ASCC3: variants seen among roughly 807,000 people sequenced by gnomAD.
The protein encoded by ASCC3 is ASC-1 complex subunit P200.
A neutral mutation model predicts 256.3 loss-of-function variants in ASCC3; 158 were observed. That is an observed-to-expected ratio of 0.62 (90% CI 0.54 to 0.70). The LOEUF (loss-of-function observed/expected upper bound fraction) is 0.70. Among genes scored for constraint, ASCC3 ranks in the 30% least tolerant of loss-of-function variants. The probability of loss-of-function intolerance (pLI) is 0.00; values close to 1 mark genes in which losing one functional copy is unlikely to be tolerated. For synonymous variants in ASCC3, 948 were observed against 883.4 expected (o/e 1.07, Z -1.30); for missense variants, 2,259 against 2,626.0 (o/e 0.86, Z 3.05).
intron 4 of ASCC3, among the ~76,000 whole-genome samples, chr6:100,834,007 A>G (rs1054420376): frequency 1.3e-5 from 2 of 152,314 alleles, no homozygotes; most frequent in African/African-American, 4.8e-5. Flanking sequence ...CAGAAGTTGC[A>G]GTGAGCCGAG....
At chr6:100,756,249 T>A (rs2115104628) in intron 10 of ASCC3, among the ~76,000 whole-genome samples, 1 of 152,038 alleles carries the variant, frequency 6.6e-6, no homozygotes, top group African/African-American at 2.4e-5. Flanking sequence ...AAAATACAGG[T>A]AGAATACTTT....
chr6:100,596,529 G>C (rs759442775), intron 34 of ASCC3, among the ~76,000 whole-genome samples: 2 of 152,046 alleles, frequency 1.3e-5, no homozygotes, highest in Non-Finnish European at 2.9e-5. Context: ...TAGTGATTGT[G>C]TTTGTTACCA....
At chr6:100,629,671 G>A (rs1774430862) in intron 26 of ASCC3, among the ~76,000 whole-genome samples, 2 of 151,978 alleles carry the variant, frequency 1.3e-5, no homozygotes, top group South Asian at 4.2e-4. Context: ...TCCTTAGATT[G>A]GAATTTTCTA....
At chr6:100,768,698 T>A (rs188615024) in intron 8 of ASCC3, among the ~76,000 whole-genome samples, 69 of 152,250 alleles carry the variant, frequency 4.5e-4, no homozygotes, top group Admixed American at 1.5e-3. Flanking sequence ...AAGGCTACCA[T>A]AGACTTGAAT....
chr6:100,609,118 T>C (rs992199761), intron 30 of ASCC3, among the ~76,000 whole-genome samples: 1 of 151,964 alleles, frequency 6.6e-6, no homozygotes, highest in African/African-American at 2.4e-5. Context: ...ATTTATGCTT[T>C]AACTTTATGG....
intron 1 of ASCC3, among the ~76,000 whole-genome samples, chr6:100,868,840 G>C (rs1349362215): frequency 6.6e-6 from 1 of 152,178 alleles, no homozygotes; most frequent in Non-Finnish European, 1.5e-5. Context: ...GAACATACCG[G>C]GAAAGAGAGA....
At chr6:100,687,565 C>T (rs1008560464) in intron 13 of ASCC3, among the ~76,000 whole-genome samples, 10 of 151,544 alleles carry the variant, frequency 6.6e-5, no homozygotes, top group Admixed American at 6.6e-4. Flanking sequence ...TTATTTTGAA[C>T]CGGAGAAATA....
intron 37 of ASCC3, chr6:100,531,178 A>G: frequency 3.1e-6 from 2 of 642,664 alleles, no homozygotes; most frequent in Non-Finnish European, 5.5e-6. Context: ...GTTGAGACAA[A>G]ACTTTAAGGA....
intron 17 of ASCC3, among the ~76,000 whole-genome samples, chr6:100,653,539 G>A (rs1775773210): frequency 1.3e-5 from 2 of 151,716 alleles, no homozygotes; most frequent in African/African-American, 4.8e-5. Flanking sequence ...TCAGGCGGCT[G>A]AGGCAGGAGA....
intron 37 of ASCC3, among the ~76,000 whole-genome samples, chr6:100,519,360 T>C (rs188734309): frequency 1.3e-5 from 2 of 152,238 alleles, no homozygotes; most frequent in African/African-American, 4.8e-5. Context: ...GTTGGTATAA[T>C]AGGTATATTT....
intron 14 of ASCC3, among the ~76,000 whole-genome samples, chr6:100,675,561 G>C (rs1392835837): frequency 6.6e-6 from 1 of 151,872 alleles, no homozygotes; most frequent in Non-Finnish European, 1.5e-5. Context: ...TAAAAACAAG[G>C]AAATGATTGA....
At chr6:100,871,298 G>A (rs1470292960) in intron 1 of ASCC3, among the ~76,000 whole-genome samples, 7 of 152,100 alleles carry the variant, frequency 4.6e-5, no homozygotes, top group Non-Finnish European at 8.8e-5. Flanking sequence ...GCTTCCCCAT[G>A]TTGGTCAGCC....
chr6:100,772,192 G>A (rs1411529711), intron 8 of ASCC3, among the ~76,000 whole-genome samples: 1 of 152,008 alleles, frequency 6.6e-6, no homozygotes, highest in Non-Finnish European at 1.5e-5. Context: ...AATCTAGCAA[G>A]TTTTTAAAAG....
intron 34 of ASCC3, among the ~76,000 whole-genome samples, chr6:100,593,882 A>G (rs1772134699): frequency 6.6e-6 from 1 of 152,134 alleles, no homozygotes; most frequent in South Asian, 2.1e-4. Flanking sequence ...GGAATATATT[A>G]TATTTTATGA....
chr6:100,634,333 C>CA (rs1562184653), intron 25 of ASCC3, among the ~76,000 whole-genome samples: 1 of 152,120 alleles, frequency 6.6e-6, no homozygotes, highest in Non-Finnish European at 1.5e-5. Flanking sequence ...TCGTATACAA[C>CA]ACTAGAATTT....
intron 4 of ASCC3, among the ~76,000 whole-genome samples, chr6:100,828,941 A>G (rs888498626): frequency 6.6e-6 from 1 of 152,136 alleles, no homozygotes; most frequent in African/African-American, 2.4e-5. Flanking sequence ...CAGAGACCCG[A>G]GTGGTCTGTT....
chr6:100,691,067 A>G (rs2114984241), intron 13 of ASCC3, among the ~76,000 whole-genome samples: 1 of 152,212 alleles, frequency 6.6e-6, no homozygotes, highest in African/African-American at 2.4e-5. Flanking sequence ...CTAAAATCTA[A>G]AAGATATCTG....
Position 100,629,086 on chromosome 6 carries a change from C to T in ASCC3, c.4304G>A (p.Ser1435Asn). The change falls in exon 27 of 42, where the codon AGC becomes AAC. Residue 1435 changes from serine (S) to asparagine (N), a missense_variant. Physicochemically the swap from Ser to Asn is conservative, Grantham distance 46. Around this residue, in one of 2 missense-constraint regions of ASCC3, gnomAD observed 1,839 missense variants for 2,206.7 expected, o/e 0.83. Transcript: ENST00000369162. ...ATAGTTCCTATTTTGCCAGCTTCTG[C>T]TGACTCCATCCCACTTCTCTGGCGT... ...VTTPEKWDGVSRSWQNRNYVQ... is the reference protein window; with the variant it reads ...VTTPEKWDGVNRSWQNRNYVQ... 1 of 1,613,818 alleles carries T rather than the reference C, an allele frequency of 6.2e-7. No individual in the cohort carries two copies.
chr6:100,767,289 C>T lies in ASCC3; in HGVS notation c.1452G>A (p.Val484=). ...MKRLNRIQSI[V]FETAYNTNEN... ...CATTGGTGTTGTAGGCAGTCTCAAA[C>T]ACTATTGACTGGATTCTATTGAGTC... Residue 484 remains valine, a synonymous_variant, in exon 9 of 42, where the codon GTG becomes GTA. Coordinates refer to ENST00000369162, the MANE Select transcript of ASCC3 (RefSeq NM_006828.4). 4.3e-6 allele frequency: 7 copies of T among 1,613,960 alleles called. No homozygotes were observed. Among genetic ancestry groups the T allele is most frequent in the Non-Finnish European group, 5.9e-6 (7 of 1,179,980 alleles).
Sources: allele counts gnomAD v4.1 joint callset (sites outside exome capture counted in the v4.1 genomes callset), GRCh38; gene constraint gnomAD v4.1.1; regional missense constraint gnomAD v4.1.1; transcripts MANE v1.5; gene names NCBI Gene and HGNC (gene_info 2026-07-23, HGNC 2026-07-21).